The following CPED1 variants were observed in gnomAD, a reference collection of about 807,000 sequenced individuals.
The protein encoded by CPED1 is cadherin like and PC-esterase domain containing 1.
In CPED1, 114 loss-of-function variants were observed where a neutral mutation model predicts 128.2. That is an observed-to-expected ratio of 0.89 (90% CI 0.76 to 1.04). The LOEUF (loss-of-function observed/expected upper bound fraction) is 1.04. Among genes scored for constraint, CPED1 ranks in the 50% least tolerant of loss-of-function variants. The pLI is 0.00. For synonymous variants in CPED1, 462 were observed against 426.7 expected (o/e 1.08, Z -1.02); for missense variants, 1,211 against 1,207.1 (o/e 1.00, Z -0.05).
chr7:121,050,942 A>G (rs963295119), intron 4 of CPED1: 16 of 495,302 alleles, frequency 3.2e-5, no homozygotes, highest in Admixed American at 2.7e-4. Context: ...GGGACCATCA[A>G]GGAAGAGCCC....
intron 3 of CPED1, among the ~76,000 whole-genome samples, chr7:121,046,539 C>T (rs1373383518): frequency 6.6e-6 from 1 of 151,742 alleles, no homozygotes; most frequent in Non-Finnish European, 1.5e-5. Context: ...TCTCCCAAAT[C>T]TACAAAAAAA....
intron 18 of CPED1, among the ~76,000 whole-genome samples, chr7:121,254,150 C>T (rs1302522041): frequency 2.0e-5 from 3 of 152,018 alleles, no homozygotes; most frequent in Non-Finnish European, 4.4e-5. Flanking sequence ...AGATTGAATA[C>T]ATGCTTGAAC....
chr7:121,205,307 T>C (rs919758563), intron 16 of CPED1, among the ~76,000 whole-genome samples: 2 of 152,082 alleles, frequency 1.3e-5, no homozygotes, highest in African/African-American at 4.8e-5. Flanking sequence ...CATCTGTCAA[T>C]GAAGCAACAC....
At chr7:121,170,233 A>C (rs1796622695) in intron 16 of CPED1, among the ~76,000 whole-genome samples, 1 of 152,198 alleles carries the variant, frequency 6.6e-6, no homozygotes, top group South Asian at 2.1e-4. Context: ...CTCTATGCTC[A>C]GTGGCATCAG....
intron 16 of CPED1, among the ~76,000 whole-genome samples, chr7:121,218,053 C>T (rs1303139856): frequency 1.3e-5 from 2 of 150,600 alleles, no homozygotes; most frequent in Admixed American, 6.6e-5. Flanking sequence ...GGCACAATCT[C>T]GACTCACTGC....
At chr7:121,194,022 C>CTCTCTCTCTATA (rs1484413430) in intron 16 of CPED1, among the ~76,000 whole-genome samples, 2 of 74,748 alleles carry the variant, frequency 2.7e-5, no homozygotes, top group East Asian at 3.8e-4. Context: ...CTCTCTCTCT[C>CTCTCTCTCTATA]TATATATATA....
Position 121,142,006 on chromosome 7 carries a change from C to A in CPED1, c.1920C>A (p.Asn640Lys), listed in dbSNP as rs199515209. 14 of 1,612,594 alleles carry A rather than the reference C, an allele frequency of 8.7e-6. No homozygotes were observed. Among genetic ancestry groups the A allele is most frequent in the Admixed American group, 1.7e-5 (1 of 59,850 alleles). The change falls in exon 16 of 23, where the codon AAC becomes AAA. Residue 640 changes from asparagine to lysine, a missense_variant. Physicochemically the swap from Asn to Lys is moderately conservative, Grantham distance 94 (BLOSUM62 0). Transcript: ENST00000310396. Reference protein sequence around the residue: ...FASYPLGLGMNKISIFVVDES... With the variant: ...FASYPLGLGMKKISIFVVDES... Reference sequence around the variant, plus strand: ...GCTACCCTCTGGGCTTAGGAATGAACAAAATCTCAATATTTGTTGTGGATG... The same window carrying A: ...GCTACCCTCTGGGCTTAGGAATGAAAAAAATCTCAATATTTGTTGTGGATG...
intron 16 of CPED1, among the ~76,000 whole-genome samples, chr7:121,146,275 A>G (rs1367298091): frequency 6.6e-6 from 1 of 152,130 alleles, no homozygotes; most frequent in East Asian, 1.9e-4. Flanking sequence ...AAAGGGCAGC[A>G]AAAGGGTCTA....
chr7:121,209,355 TCTC>T (rs969156044), intron 16 of CPED1, among the ~76,000 whole-genome samples: 18 of 151,978 alleles, frequency 1.2e-4, no homozygotes, highest in African/African-American at 3.1e-4. Context: ...AAAATTACTG[TCTC>T]CTCAGGAAAT....
intron 7 of CPED1, among the ~76,000 whole-genome samples, chr7:121,118,599 A>G (rs181079309): frequency 1.3e-5 from 2 of 151,488 alleles, no homozygotes; most frequent in Admixed American, 6.6e-5. Context: ...AAAAAAAACC[A>G]TATCTATCTG....
At chr7:121,029,258 T>A (rs1435234041) in intron 3 of CPED1, among the ~76,000 whole-genome samples, 1 of 152,168 alleles carries the variant, frequency 6.6e-6, no homozygotes, top group Non-Finnish European at 1.5e-5. Flanking sequence ...GAATCATTTC[T>A]AAAGCTCTTC....
intron 4 of CPED1, chr7:121,063,003 C>T (rs1246125130): frequency 6.6e-6 from 1 of 152,204 alleles, no homozygotes; most frequent in Non-Finnish European, 1.5e-5. Flanking sequence ...TCGCGTATGT[C>T]TTCAGCAGCA....
At chr7:121,100,342 T>A (rs143973136) in intron 7 of CPED1, among the ~76,000 whole-genome samples, 1 of 152,196 alleles carries the variant, frequency 6.6e-6, no homozygotes, top group African/African-American at 2.4e-5. Context: ...ATAGTTCAAT[T>A]CTTTGATCTA....
chr7:121,206,144 A>C (rs1272067681), intron 16 of CPED1, among the ~76,000 whole-genome samples: 1 of 152,074 alleles, frequency 6.6e-6, no homozygotes, highest in Non-Finnish European at 1.5e-5. Context: ...TCATTTAAAA[A>C]GGAAAAGAGG....
Position 121,125,806 on chromosome 7 carries a change from T to C in CPED1, c.1062-14T>C, listed in dbSNP as rs902122006. The C allele has an allele frequency of 6.3e-7, 1 of 1,595,196 alleles. No homozygotes were observed. The highest frequency in any genetic ancestry group is 1.1e-5 in the South Asian group (1 of 90,648). On this transcript the variant is annotated splice_polypyrimidine_tract_variant and intron_variant, in intron 8 of 22. Transcript: ENST00000310396. ...GTATCTTTACTTTTATGGTACCTTG[T>C]GTTTTCATTTTAGATGCAGATTCTG...
chr7:121,046,841 A>G (rs759855042), intron 3 of CPED1, 46 bp from the exon 4 acceptor site: 5 of 1,244,852 alleles, frequency 4.0e-6, no homozygotes, highest in Non-Finnish European at 4.5e-6. Flanking sequence ...TGCTTTTAAA[A>G]TATCTGATGA....
Position 121,291,809 on chromosome 7 carries a change from T to C in CPED1, c.2869-3631T>C, listed in dbSNP as rs186573727. 3.3e-5 allele frequency among the ~76,000 whole-genome samples: 5 copies of C among 152,330 alleles called. No individual in the cohort carries two copies. The East Asian group carries it at 9.6e-4, about 29-fold the overall frequency. On this transcript the variant is annotated intron_variant, in intron 22 of 22. Transcript: ENST00000310396. ...CGCTTTATTTCTTTCTCTTGCCTGA[T>C]TGCCCTGGCCAGAACTTCCAATACT... is the stretch of plus-strand genomic sequence containing the variant.
chr7:121,057,487 G>C (rs1793530722), intron 4 of CPED1, among the ~76,000 whole-genome samples: 1 of 152,112 alleles, frequency 6.6e-6, no homozygotes, highest in Admixed American at 6.5e-5. Context: ...ATGTCCATGA[G>C]TACCCAGTGT....
intron 16 of CPED1, among the ~76,000 whole-genome samples, chr7:121,172,212 G>A (rs1175832567): frequency 2.6e-5 from 4 of 152,044 alleles, no homozygotes; most frequent in African/African-American, 4.8e-5. Flanking sequence ...GGTAGTAATC[G>A]GTATCTTATA....
Sources: allele counts gnomAD v4.1 joint callset (sites outside exome capture counted in the v4.1 genomes callset), GRCh38; gene constraint gnomAD v4.1.1; transcripts MANE v1.5; gene names NCBI Gene and HGNC (gene_info 2026-07-23, HGNC 2026-07-21).